UGT1A7: variants seen among roughly 807,000 people sequenced by gnomAD.
UGT1A7 encodes the protein UDP-glucuronosyltransferase 1A7.
A neutral mutation model predicts 45.6 loss-of-function variants in UGT1A7; 33 were observed. That is an observed-to-expected ratio of 0.72 (90% CI 0.55 to 0.97). The LOEUF (loss-of-function observed/expected upper bound fraction) is 0.97. Among genes scored for constraint, UGT1A7 ranks in the 50% least tolerant of loss-of-function variants. The probability of loss-of-function intolerance (pLI) is 0.00; values close to 1 mark genes in which losing one functional copy is unlikely to be tolerated. For missense variants in UGT1A7, 684 were observed against 666.2 expected, an observed-to-expected ratio of 1.03 and a Z score of -0.29; for synonymous variants, 274 against 250.6, an observed-to-expected ratio of 1.09 and a Z score of -0.88.
chr2:233,719,313 C>T (rs745591224), intron 1 of UGT1A7: 2 of 1,613,954 alleles, frequency 1.2e-6, no homozygotes, highest in Non-Finnish European at 8.5e-7. Flanking sequence ...GGCTAAGTAC[C>T]TGTCGATTCC....
intron 1 of UGT1A7, among the ~76,000 whole-genome samples, chr2:233,746,235 C>A (rs565676121): frequency 6.6e-6 from 1 of 151,714 alleles, no homozygotes; most frequent in South Asian, 2.1e-4. Flanking sequence ...ATGCAAACTG[C>A]TAAAAGATAC....
chr2:233,688,861 G>A (rs1162676732), intron 1 of UGT1A7, among the ~76,000 whole-genome samples: 1 of 152,134 alleles, frequency 6.6e-6, no homozygotes, highest in Non-Finnish European at 1.5e-5. Flanking sequence ...ATCATAGGGG[G>A]CCTTGCAGGA....
rs567983047 is a variant in UGT1A7, at chr2:233,769,352, G to A, written c.1295+913G>A. On this transcript the variant is annotated intron_variant, in intron 4 of 4. Transcript: ENST00000373426. This position sits in a 1 kb window ranked among gnomAD's most constrained non-coding sequence, Gnocchi z 4.4. The stretch of plus-strand genomic sequence containing the variant: ...GCTTATTAGAACCTTATGGGAAGAA[G>A]TGGTGGCCAGTGGTAGATTTCATCC... 6.6e-6 allele frequency among the ~76,000 whole-genome samples: 1 copy of A among 152,372 alleles called. No homozygotes were observed. Among genetic ancestry groups the A allele is most frequent in the East Asian group, 1.9e-4 (1 of 5,194 alleles).
At chr2:233,685,194 G>C (rs527393149) in intron 1 of UGT1A7, among the ~76,000 whole-genome samples, 2 of 152,072 alleles carry the variant, frequency 1.3e-5, no homozygotes, top group African/African-American at 4.8e-5. Context: ...ACATTAAAAC[G>C]GTTTTGTTTT....
intron 1 of UGT1A7, among the ~76,000 whole-genome samples, chr2:233,734,247 T>A (rs1242167028): frequency 6.6e-6 from 1 of 152,226 alleles, no homozygotes; most frequent in Non-Finnish European, 1.5e-5. Flanking sequence ...CCTGCTTTAG[T>A]CTTGGGAGGG....
At position 233,769,418 on chromosome 2, in the gene UGT1A7, C is replaced by T; in HGVS notation, c.1295+979C>T. The T allele has an allele frequency of 1.4e-6, 2 of 1,431,096 alleles. No individual in the cohort carries two copies. The highest frequency in any genetic ancestry group is 1.9e-6 in the Non-Finnish European group (2 of 1,028,754). The allele number at this position is 1,431,096 out of a possible 1,614,324, so 88.6% of individuals were successfully genotyped here. ...GTGCATATGTGCGTGTGCGTTTGTG[C>T]ATGTGGCTGTGCTCATGTGTGGGTG... On this transcript the variant is annotated intron_variant, in intron 4 of 4. Transcript: ENST00000373426. The surrounding 1 kb of genome is among the most constrained non-coding windows in gnomAD (Gnocchi z 4.4).
At chr2:233,772,063 T>A (rs1007747764) in intron 4 of UGT1A7, among the ~76,000 whole-genome samples, 199 bp from the exon 5 acceptor site, 9 of 152,136 alleles carry the variant, frequency 5.9e-5, no homozygotes, top group Non-Finnish European at 1.2e-4. Context: ...CAGTTAGCCA[T>A]GCTTGTGCCA....
chr2:233,769,089 A>G lies in UGT1A7; in HGVS notation c.1295+650A>G, dbSNP rs1396019687. Among the ~76,000 whole-genome samples the G allele has an allele frequency of 1.3e-5, 2 of 152,242 alleles. No individual in the cohort carries two copies. The highest frequency in any genetic ancestry group is 4.8e-5 in the African/African-American group (2 of 41,460). ...AGAAATACTCCATTATAAGAAGCAT[A>G]GTATCTTTAAGAGAAAAACAACTCA... On this transcript the variant is annotated intron_variant, in intron 4 of 4. Transcript: ENST00000373426. The surrounding 1 kb of genome is among the most constrained non-coding windows in gnomAD (Gnocchi z 4.4).
chr2:233,695,630 G>A (rs979864774), intron 1 of UGT1A7, among the ~76,000 whole-genome samples: 8 of 151,156 alleles, frequency 5.3e-5, no homozygotes, highest in African/African-American at 1.9e-4. Context: ...ACCTCCATGA[G>A]ACCCACTTTT....
At chr2:233,756,974 T>C (rs1036999646) in intron 1 of UGT1A7, among the ~76,000 whole-genome samples, 2 of 151,942 alleles carry the variant, frequency 1.3e-5, no homozygotes, top group South Asian at 2.1e-4. Context: ...AAGCACGCAA[T>C]GAACAGTCAT....
rs1434418426 is a variant in UGT1A7 at position 233,747,592 on chromosome 2, C to T, written c.856-19442C>T. On this transcript the variant is annotated intron_variant, in intron 1 of 4. Coordinates refer to ENST00000373426, the MANE Select transcript of UGT1A7 (RefSeq NM_019077.3). Reference sequence around the variant, plus strand: ...AATTCATCTTTGGTCTTTCATAGGTCTTGTGTGGAGCTACTGCATAATGAG... The same window carrying T: ...AATTCATCTTTGGTCTTTCATAGGTTTTGTGTGGAGCTACTGCATAATGAG... The T allele has an allele frequency of 5.7e-6, 9 of 1,575,532 alleles. No individual in the cohort carries two copies. The South Asian group carries it at 8.9e-5, about 16-fold the overall frequency.
chr2:233,747,315 A>C (rs1575682403), intron 1 of UGT1A7: 2 of 1,603,160 alleles, frequency 1.2e-6, no homozygotes, highest in Non-Finnish European at 1.7e-6. Context: ...TGCTGGTGGT[A>C]CCCATTGATG....
rs78733940 is a variant in UGT1A7 at position 233,687,983 on chromosome 2, A to G, written c.855+5191A>G. Among the ~76,000 whole-genome samples, 1,272 of 152,352 alleles carry G rather than the reference A, an allele frequency of 8.3e-3. 13 individuals are homozygous for G. The highest frequency in any genetic ancestry group is 0.029 in the African/African-American group (1,199 of 41,588). On this transcript the variant is annotated intron_variant, in intron 1 of 4. Transcript: ENST00000373426. Reference sequence around the variant, plus strand: ...ATGTAATTCATGTATCGTAAAATTCAGTGGTTTTCTGTGTGCTCCCAGATA... The same window carrying G: ...ATGTAATTCATGTATCGTAAAATTCGGTGGTTTTCTGTGTGCTCCCAGATA...
chr2:233,699,546 A>G (rs1436120243), intron 1 of UGT1A7, among the ~76,000 whole-genome samples: 3 of 152,190 alleles, frequency 2.0e-5, no homozygotes, highest in Non-Finnish European at 4.4e-5. Flanking sequence ...CACATCATAG[A>G]GCCAGGTCAT....
At position 233,709,733 on chromosome 2, in the gene UGT1A7, T is replaced by C. The variant is rs190992275; in HGVS notation, c.855+26941T>C. Reference sequence around the variant, plus strand: ...AATTGAATGATATGTTTTCAATTGATACTACTAAAATAAACATTATTGGAG... The same window carrying C: ...AATTGAATGATATGTTTTCAATTGACACTACTAAAATAAACATTATTGGAG... On this transcript the variant is annotated intron_variant, in intron 1 of 4. Coordinates refer to ENST00000373426, the MANE Select transcript of UGT1A7 (RefSeq NM_019077.3). Among the ~76,000 whole-genome samples the C allele has an allele frequency of 3.6e-3, 552 of 152,338 alleles. 2 individuals are homozygous for C. Among genetic ancestry groups the C allele is most frequent in the Admixed American group, 8.6e-3 (131 of 15,306 alleles).
At chr2:233,688,780 TG>T (rs1488154888) in intron 1 of UGT1A7, among the ~76,000 whole-genome samples, 1 of 152,142 alleles carries the variant, frequency 6.6e-6, no homozygotes, top group Non-Finnish European at 1.5e-5. Flanking sequence ...GCCATTCTAA[TG>T]GAGAGGAAGG....
At chr2:233,729,672 TAAGG>T (rs769537040) in intron 1 of UGT1A7, 1 of 1,613,976 alleles carries the variant, frequency 6.2e-7, no homozygotes, top group Non-Finnish European at 8.5e-7. Flanking sequence ...ATTTAGACTT[TAAGG>T]GCACACAGTG....
intron 1 of UGT1A7, among the ~76,000 whole-genome samples, chr2:233,727,721 C>A (rs2077642533): frequency 6.6e-6 from 1 of 152,216 alleles, no homozygotes; most frequent in Non-Finnish European, 1.5e-5. Context: ...CCTTGCAGAC[C>A]TTCCTTTTCT....
intron 1 of UGT1A7, among the ~76,000 whole-genome samples, chr2:233,710,091 T>C (rs1192264751): frequency 6.6e-6 from 1 of 152,250 alleles, no homozygotes; most frequent in Admixed American, 6.5e-5. Context: ...CATTGTTGCA[T>C]GTATCAATAT....
Sources: gnomAD v4.1 joint callset for allele counts (sites outside exome capture counted in the v4.1 genomes callset) on GRCh38, gnomAD v4.1.1 for gene constraint, Gnocchi (gnomAD v3.1) non-coding constraint, MANE v1.5 for transcripts, NCBI Gene and HGNC (gene_info 2026-07-23, HGNC 2026-07-21) for gene names.